PELI2: variants seen among roughly 807,000 people sequenced by gnomAD.
PELI2 encodes E3 ubiquitin-protein ligase pellino homolog 2.
Under a neutral mutation model 42.3 loss-of-function variants are expected in PELI2, and 23 were observed. The ratio of observed to expected loss-of-function variants is 0.54; its 90% CI spans 0.39 to 0.77. The LOEUF is 0.77. PELI2 is among the 30% of genes least tolerant of loss of function. PELI2 has a pLI of 0.00. For missense variants in PELI2, 463 were observed against 553.2 expected (o/e 0.84, Z 1.64); for synonymous variants, 245 against 212.2 (o/e 1.15, Z -1.34).
At chr14:56,147,290 T>C (rs1415865161) in intron 1 of PELI2, among the ~76,000 whole-genome samples, 1 of 152,236 alleles carries the variant, frequency 6.6e-6, no homozygotes, top group African/African-American at 2.4e-5. Context: ...TGCATGGATG[T>C]ATATTTTTCT....
At chr14:56,209,471 A>T (rs1886638011) in intron 2 of PELI2, among the ~76,000 whole-genome samples, 1 of 152,258 alleles carries the variant, frequency 6.6e-6, no homozygotes, top group South Asian at 2.1e-4. Context: ...GAGATTTGTA[A>T]AAATGTAAAA....
rs1889784086 is a variant in PELI2, at chr14:56,290,272, A to G, written c.512A>G (p.Lys171Arg). Residue 171 changes from lysine (K) to arginine (R), a missense_variant, in exon 5 of 6, where the codon AAG (lysine) becomes AGG (arginine). Transcript: ENST00000267460. ...GTTCTGCTGTGTTCTCTCCAGGAAA[A>G]GGCAGCAAAGTGGAAAAACCCCGAC... ...DSSKNIFLGE[K>R]AAKWKNPDGH... The G allele has an allele frequency of 6.3e-7, 1 of 1,587,290 alleles. No homozygotes were observed. Among genetic ancestry groups the G allele is most frequent in the South Asian group, 1.1e-5 (1 of 88,140 alleles).
intron 2 of PELI2, among the ~76,000 whole-genome samples, chr14:56,210,700 G>T (rs571749282): frequency 6.6e-6 from 1 of 152,256 alleles, no homozygotes; most frequent in African/African-American, 2.4e-5. Context: ...AAAGGCTAAG[G>T]TTCCATTTGG....
chr14:56,220,963 G>C (rs1887107399), intron 2 of PELI2, among the ~76,000 whole-genome samples: 1 of 152,162 alleles, frequency 6.6e-6, no homozygotes, highest in Admixed American at 6.5e-5. Flanking sequence ...TGCTGTGAAG[G>C]AGAGGAGGCA....
chr14:56,120,898 T>C (rs764079999), intron 1 of PELI2, among the ~76,000 whole-genome samples: 12 of 152,274 alleles, frequency 7.9e-5, no homozygotes, highest in South Asian at 2.1e-4. Context: ...ACTTGAATTG[T>C]GGTATTTTTC....
intron 5 of PELI2, among the ~76,000 whole-genome samples, chr14:56,294,043 A>G (rs2139905629): frequency 6.6e-6 from 1 of 152,272 alleles, no homozygotes; most frequent in South Asian, 2.1e-4. Flanking sequence ...GATGCTCGGT[A>G]TGGTGGTGGG....
At chr14:56,130,857 A>G (rs1463194089) in intron 1 of PELI2, among the ~76,000 whole-genome samples, 1 of 152,186 alleles carries the variant, frequency 6.6e-6, no homozygotes, top group Non-Finnish European at 1.5e-5. Context: ...TCCTTCCAGA[A>G]AAGCTGTCTA....
At chr14:56,268,578 C>T (rs2139849468) in intron 2 of PELI2, among the ~76,000 whole-genome samples, 1 of 152,266 alleles carries the variant, frequency 6.6e-6, no homozygotes. Flanking sequence ...ACCTTCATTT[C>T]TTCCCCTGCG....
At chr14:56,238,150 G>C (rs1887860495) in intron 2 of PELI2, among the ~76,000 whole-genome samples, 1 of 151,892 alleles carries the variant, frequency 6.6e-6, no homozygotes, top group Non-Finnish European at 1.5e-5. Context: ...TTAACCTATT[G>C]TCAGTCAGTT....
intron 2 of PELI2, among the ~76,000 whole-genome samples, chr14:56,181,992 C>T (rs1312887568): frequency 6.6e-6 from 1 of 152,112 alleles, no homozygotes; most frequent in Non-Finnish European, 1.5e-5. Flanking sequence ...CTTCCATGGC[C>T]AGGCATCATG....
intron 2 of PELI2, among the ~76,000 whole-genome samples, chr14:56,187,704 T>C (rs1225885380): frequency 6.6e-6 from 1 of 152,196 alleles, no homozygotes; most frequent in Non-Finnish European, 1.5e-5. Context: ...TTCACAGAGA[T>C]ACCTATTTAT....
intron 1 of PELI2, among the ~76,000 whole-genome samples, chr14:56,123,522 A>G (rs1883139654): frequency 6.6e-6 from 1 of 152,046 alleles, no homozygotes; most frequent in African/African-American, 2.4e-5. Flanking sequence ...ACTGGCTTTG[A>G]GTTGCTATAT....
At chr14:56,237,946 T>C (rs1887853860) in intron 2 of PELI2, among the ~76,000 whole-genome samples, 3 of 152,018 alleles carry the variant, frequency 2.0e-5, no homozygotes, top group Admixed American at 2.0e-4. Flanking sequence ...TCAGATCTTA[T>C]TCATCCTCGA....
intron 2 of PELI2, among the ~76,000 whole-genome samples, chr14:56,222,028 C>T (rs1036401477): frequency 2.0e-5 from 3 of 151,054 alleles, no homozygotes; most frequent in African/African-American, 7.3e-5. Flanking sequence ...TAGATTTCCT[C>T]TATGCACAAT....
chr14:56,196,478 G>C (rs1483975146), intron 2 of PELI2, among the ~76,000 whole-genome samples: 3 of 152,138 alleles, frequency 2.0e-5, no homozygotes, highest in African/African-American at 7.2e-5. Flanking sequence ...CTCTGCTTCA[G>C]ACATACTCAG....
At chr14:56,123,055 A>G (rs1883121416) in intron 1 of PELI2, among the ~76,000 whole-genome samples, 1 of 152,196 alleles carries the variant, frequency 6.6e-6, no homozygotes, top group Non-Finnish European at 1.5e-5. Context: ...AAAATGAAGT[A>G]TTTTAGTAGA....
intron 1 of PELI2, among the ~76,000 whole-genome samples, chr14:56,129,962 G>C (rs1883423058): frequency 6.6e-6 from 1 of 152,168 alleles, no homozygotes; most frequent in African/African-American, 2.4e-5. Flanking sequence ...CTCAACTTCT[G>C]CCATTTCTTC....
At chr14:56,132,175 T>C (rs1166885985) in intron 1 of PELI2, among the ~76,000 whole-genome samples, 3 of 152,180 alleles carry the variant, frequency 2.0e-5, no homozygotes. Context: ...GAAATGCTGA[T>C]GCCCAGACAC....
intron 1 of PELI2, among the ~76,000 whole-genome samples, chr14:56,140,455 C>T (rs1883865184): frequency 6.6e-6 from 1 of 152,172 alleles, no homozygotes; most frequent in African/African-American, 2.4e-5. Context: ...TCTATTTTGC[C>T]TTCACAGTGA....
Sources: gnomAD v4.1 joint callset for allele counts (sites outside exome capture counted in the v4.1 genomes callset) on GRCh38, gnomAD v4.1.1 for gene constraint, MANE v1.5 for transcripts, NCBI Gene and HGNC (gene_info 2026-07-23, HGNC 2026-07-21) for gene names.